The following UBR4 variants were observed in gnomAD, a reference collection of about 807,000 sequenced individuals.
The protein encoded by UBR4 is E3 ubiquitin-protein ligase UBR4.
Under a neutral mutation model 575.6 loss-of-function variants are expected in UBR4, and 124 were observed. That is an observed-to-expected ratio of 0.22 (90% CI 0.19 to 0.25). The LOEUF is 0.25. Among genes scored for constraint, UBR4 ranks in the 10% least tolerant of loss-of-function variants. The pLI, the probability that UBR4 is intolerant of heterozygous loss-of-function variation, is 1.00. For missense variants in UBR4, 4,818 were observed against 6,478.8 expected, an observed-to-expected ratio of 0.74 and a Z score of 8.80; for synonymous variants, 2,455 against 2,473.7, an observed-to-expected ratio of 0.99 and a Z score of 0.22.
chr1:19,084,942 C>T (rs1297725759), intron 101 of UBR4, among the ~76,000 whole-genome samples: 2 of 152,184 alleles, frequency 1.3e-5, no homozygotes, highest in East Asian at 3.9e-4. Context: ...GAGCCCACCA[C>T]TCTTGGGCGC....
At chr1:19,185,005 C>T (rs1474308903) in intron 15 of UBR4, 94 bp downstream of exon 15, 3 of 1,489,256 alleles carry the variant, frequency 2.0e-6, no homozygotes, top group South Asian at 1.2e-5. Flanking sequence ...TTACAGTTAT[C>T]CAAGCCACAA....
chr1:19,140,832 G>T lies in UBR4; in HGVS notation c.8549C>A (p.Ser2850Tyr). The T allele has an allele frequency of 6.2e-7, 1 of 1,613,322 alleles. No homozygotes were observed. The highest frequency in any genetic ancestry group is 1.1e-5 in the South Asian group (1 of 91,002). ...GAGGGTTCCTGCGTCCAGAGAGGAA[G>T]AGCTGGGTGCCTGGCCGGACAGTCC... ...SLGLSGQAPSSSSLDAGTLSD... is the reference protein window; with the variant it reads ...SLGLSGQAPSYSSLDAGTLSD... Residue 2850 changes from serine to tyrosine, a missense_variant, in exon 58 of 106, where the codon TCT becomes TAT. Coordinates refer to ENST00000375254, the MANE Select transcript of UBR4 (RefSeq NM_020765.3).
chr1:19,166,295 G>C (rs1456205629), intron 29 of UBR4, among the ~76,000 whole-genome samples: 2 of 152,200 alleles, frequency 1.3e-5, no homozygotes, highest in African/African-American at 2.4e-5. Flanking sequence ...CCAAGGTCCA[G>C]CTATGCTGTG....
rs566346776 is a variant in UBR4 at position 19,119,266 on chromosome 1, G to A, written c.10455+291C>T. On this transcript the variant is annotated intron_variant, in intron 70 of 105. Coordinates refer to ENST00000375254, the MANE Select transcript of UBR4 (RefSeq NM_020765.3). ...ACATTTTCTGGTATGTATAATCAGG[G>A]CTACTAGCAAAACAAGGAGCACTTG... Among the ~76,000 whole-genome samples, 4 of 152,216 alleles carry A rather than the reference G, an allele frequency of 2.6e-5. No homozygotes were observed. In the South Asian group the frequency reaches 8.3e-4, roughly 32 times the overall value.
intron 54 of UBR4, among the ~76,000 whole-genome samples, 188 bp from the exon 55 acceptor site, chr1:19,144,279 G>C (rs1212649302): frequency 2.0e-5 from 3 of 152,182 alleles, no homozygotes; most frequent in Admixed American, 2.0e-4. Flanking sequence ...CACACATTAA[G>C]AGCCATTCGC....
chr1:19,177,368 G>A (rs1488458430), intron 19 of UBR4, 93 bp downstream of exon 19: 8 of 1,501,328 alleles, frequency 5.3e-6, no homozygotes, highest in Non-Finnish European at 2.7e-6. Context: ...AACCTAAAGT[G>A]GGTAGGTCAT....
chr1:19,198,994 CTT>C (rs1558016106), intron 3 of UBR4, 66 bp from the exon 4 acceptor site: 1 of 1,559,544 alleles, frequency 6.4e-7, no homozygotes, highest in African/African-American at 1.4e-5. Context: ...AAATTCTACT[CTT>C]TTGGAAATTC....
chr1:19,154,758 A>G (rs935683976), intron 44 of UBR4, among the ~76,000 whole-genome samples, 160 bp downstream of exon 44: 1 of 152,128 alleles, frequency 6.6e-6, no homozygotes, highest in Admixed American at 6.5e-5. Flanking sequence ...CCAAACCCGG[A>G]TGTTCCTTGA....
intron 2 of UBR4, among the ~76,000 whole-genome samples, chr1:19,200,603 T>G (rs940945375): frequency 4.0e-5 from 6 of 151,846 alleles, no homozygotes; most frequent in African/African-American, 1.5e-4. Flanking sequence ...ATACAAAAAT[T>G]AGTCTCATAA....
At chr1:19,104,742 G>A in intron 85 of UBR4, 76 bp from the exon 86 acceptor site, 3 of 1,456,272 alleles carry the variant, frequency 2.1e-6, no homozygotes, top group Non-Finnish European at 2.9e-6. Flanking sequence ...TGTCCCAGGA[G>A]CTTGCAGCAC....
At chr1:19,122,778 G>A (rs1185881437) in intron 66 of UBR4, 55 bp downstream of exon 66, 19 of 1,591,218 alleles carry the variant, frequency 1.2e-5, no homozygotes, top group Middle Eastern at 1.7e-4. Context: ...TTACCTACTT[G>A]GCTAAGCCTT....
intron 31 of UBR4, 111 bp downstream of exon 31, chr1:19,165,138 T>G: frequency 6.8e-7 from 1 of 1,473,122 alleles, no homozygotes; most frequent in Non-Finnish European, 9.4e-7. Context: ...TGAGGGATTC[T>G]CTCCACTCGT....
intron 10 of UBR4, 50 bp from the exon 11 acceptor site, chr1:19,192,428 T>A: frequency 6.2e-7 from 1 of 1,614,128 alleles, no homozygotes; most frequent in South Asian, 1.1e-5. Context: ...GATATTTACA[T>A]CTCAGAGAGG....
At chr1:19,191,384 T>G (rs963046453) in intron 11 of UBR4, among the ~76,000 whole-genome samples, 1 of 152,096 alleles carries the variant, frequency 6.6e-6, no homozygotes, top group Non-Finnish European at 1.5e-5. Flanking sequence ...GGCATGAGAA[T>G]TGCTTGAACC....
chr1:19,121,912 C>G (rs2081226347), intron 67 of UBR4, 22 bp downstream of exon 67: 1 of 1,613,770 alleles, frequency 6.2e-7, no homozygotes, highest in African/African-American at 1.3e-5. Flanking sequence ...TAACAGCAAT[C>G]AAAAGGAGCA....
At chr1:19,168,594 CT>C (rs913233249) in intron 27 of UBR4, among the ~76,000 whole-genome samples, 4 of 152,064 alleles carry the variant, frequency 2.6e-5, no homozygotes, top group African/African-American at 9.7e-5. Flanking sequence ...TAATATTTAG[CT>C]TTTGAAAAGA....
Position 19,121,286 on chromosome 1 carries a change from G to C in UBR4, c.10044C>G (p.Ser3348=), listed in dbSNP as rs772557125. ...CAGAACTGGCAGCCACAGGGGCTGA[G>C]GAGGAAGAAGCACTGGAGGATCCCG... The part of the protein sequence containing the change: ...ASSGSSSASS[S]SAPVAASSGQ... The change falls in exon 68 of 106, where the codon TCC becomes TCG. Residue 3348 remains serine, a synonymous_variant. Coordinates refer to ENST00000375254, the MANE Select transcript of UBR4 (RefSeq NM_020765.3). The C allele has an allele frequency of 7.4e-6, 12 of 1,614,202 alleles. No homozygotes were observed. In the South Asian group the frequency reaches 1.3e-4, roughly 18 times the overall value.
At chr1:19,170,090 A>T (rs1243814675) in intron 26 of UBR4, among the ~76,000 whole-genome samples, 1 of 152,198 alleles carries the variant, frequency 6.6e-6, no homozygotes, top group Non-Finnish European at 1.5e-5. Flanking sequence ...AAGCCCTTTG[A>T]TTTTCCACCC....
At chr1:19,094,371 C>G (rs925627110) in intron 94 of UBR4, among the ~76,000 whole-genome samples, 4 of 152,120 alleles carry the variant, frequency 2.6e-5, no homozygotes, top group African/African-American at 9.7e-5. Context: ...CAAAATATAC[C>G]AATACAATCT....
Sources: allele counts gnomAD v4.1 joint callset (sites outside exome capture counted in the v4.1 genomes callset), GRCh38; gene constraint gnomAD v4.1.1; transcripts MANE v1.5; gene names NCBI Gene and HGNC (gene_info 2026-07-23, HGNC 2026-07-21).